The following ANKRD44 variants were observed in gnomAD, a reference collection of about 807,000 sequenced individuals.
ANKRD44 encodes serine/threonine-protein phosphatase 6 regulatory ankyrin repeat subunit B.
In ANKRD44, 35 loss-of-function variants were observed where a neutral mutation model predicts 116.0. The observed-to-expected ratio is 0.30, with a 90% CI of 0.23 to 0.40. The LOEUF is 0.40. Ranked by LOEUF, ANKRD44 falls within the 10% of genes least tolerant of loss-of-function variation. ANKRD44 has a pLI of 1.00. For missense variants in ANKRD44, 1,014 were observed against 1,242.6 expected (o/e 0.82, Z 2.77); for synonymous variants, 435 against 461.8 (o/e 0.94, Z 0.74).
At chr2:197,287,387 A>G (rs1297018358) in intron 1 of ANKRD44, among the ~76,000 whole-genome samples, 1 of 152,208 alleles carries the variant, frequency 6.6e-6, no homozygotes, top group Non-Finnish European at 1.5e-5. Context: ...AGAAAAGTGT[A>G]AGAAAAAGCT....
chr2:197,285,164 G>A (rs2083375026), intron 1 of ANKRD44, among the ~76,000 whole-genome samples: 1 of 151,806 alleles, frequency 6.6e-6, no homozygotes, highest in Admixed American at 6.6e-5. Context: ...TGAAAAGTCA[G>A]GGAGTTTAGG....
intron 9 of ANKRD44, among the ~76,000 whole-genome samples, chr2:197,110,021 G>A (rs567895843): frequency 1.3e-5 from 2 of 151,718 alleles, no homozygotes; most frequent in South Asian, 4.2e-4. Flanking sequence ...CTGTCACCCA[G>A]GCTAGAGTGC....
At chr2:197,120,953 G>A (rs1309941593) in intron 8 of ANKRD44, among the ~76,000 whole-genome samples, 2 of 147,000 alleles carry the variant, frequency 1.4e-5, no homozygotes, top group Admixed American at 6.8e-5. Context: ...TTTTTGAGAC[G>A]GAGTCTTGCT....
chr2:196,998,491 A>G, intron 24 of ANKRD44, 72 bp from the exon 25 acceptor site: 2 of 999,736 alleles, frequency 2.0e-6, no homozygotes, highest in Non-Finnish European at 3.1e-6. Flanking sequence ...AAGTTACTAC[A>G]AACACAATAA....
At chr2:197,308,900 C>G (rs1243407259) in intron 1 of ANKRD44, among the ~76,000 whole-genome samples, 1 of 152,178 alleles carries the variant, frequency 6.6e-6, no homozygotes, top group Non-Finnish European at 1.5e-5. Flanking sequence ...ACCTGGAAGG[C>G]AGAAGACAAG....
chr2:197,100,429 C>G (rs772474814), intron 9 of ANKRD44, among the ~76,000 whole-genome samples: 1 of 151,296 alleles, frequency 6.6e-6, no homozygotes, highest in Non-Finnish European at 1.5e-5. Context: ...AGCGAGACTC[C>G]GTCTCAAAAA....
In ANKRD44 at chr2:196,993,668, G is replaced by C; in HGVS notation, c.2838C>G (p.Leu946=). The change falls in exon 27 of 28, where the codon CTC becomes CTG. Residue 946 remains leucine, a synonymous_variant. Coordinates refer to ENST00000282272, the MANE Select transcript of ANKRD44 (RefSeq NM_001195144.2). Reference sequence around the variant, plus strand: ...TTAAGCCATTGCGCGCAGCGACGTGGAGGGGTCTAAAAAACACAAGACCGA... The same window carrying C: ...TTAAGCCATTGCGCGCAGCGACGTGCAGGGGTCTAAAAAACACAAGACCGA... The part of the protein sequence containing the change: ...NEKNNALQTP[L]HVAARNGLKV... 1 of 1,550,866 alleles carries C rather than the reference G, an allele frequency of 6.4e-7. No homozygotes were observed. Among genetic ancestry groups the C allele is most frequent in the South Asian group, 1.2e-5 (1 of 84,054 alleles).
intron 1 of ANKRD44, among the ~76,000 whole-genome samples, chr2:197,218,939 T>C (rs1192345092): frequency 7.9e-5 from 12 of 151,622 alleles, no homozygotes; most frequent in African/African-American, 2.9e-4. Context: ...TTTGTATTTT[T>C]AGTAGAGACA....
chr2:197,055,536 T>C (rs2077187095), intron 16 of ANKRD44, among the ~76,000 whole-genome samples: 1 of 152,230 alleles, frequency 6.6e-6, no homozygotes, highest in East Asian at 1.9e-4. Flanking sequence ...CATGAAGATG[T>C]TCTCTTACGC....
At chr2:197,192,473 G>A (rs934684547) in intron 1 of ANKRD44, among the ~76,000 whole-genome samples, 4 of 152,172 alleles carry the variant, frequency 2.6e-5, no homozygotes, top group African/African-American at 9.7e-5. Flanking sequence ...GTCCCTCCTT[G>A]AGCATTCTGA....
At chr2:197,251,762 C>T (rs946555498) in intron 1 of ANKRD44, among the ~76,000 whole-genome samples, 2 of 152,228 alleles carry the variant, frequency 1.3e-5, no homozygotes, top group Admixed American at 1.3e-4. Flanking sequence ...GACTGAATGA[C>T]TGGTTCGTCT....
chr2:197,267,739 T>C (rs575326447), intron 1 of ANKRD44, among the ~76,000 whole-genome samples: 32 of 152,158 alleles, frequency 2.1e-4, no homozygotes, highest in African/African-American at 6.8e-4. Context: ...TAGAGTAGGG[T>C]TGTCCAAGAC....
intron 1 of ANKRD44, among the ~76,000 whole-genome samples, chr2:197,191,699 G>A (rs1379556407): frequency 1.3e-5 from 2 of 152,080 alleles, no homozygotes; most frequent in African/African-American, 4.8e-5. Context: ...GTGTAATTAA[G>A]GAAGTAAGGT....
chr2:197,238,711 T>A (rs2082026352), intron 1 of ANKRD44, among the ~76,000 whole-genome samples: 1 of 151,698 alleles, frequency 6.6e-6, no homozygotes, highest in Non-Finnish European at 1.5e-5. Flanking sequence ...TTTTTTTTTT[T>A]AATTTATTTT....
At chr2:196,995,633 A>G (rs2125885923) in intron 25 of ANKRD44, among the ~76,000 whole-genome samples, 172 bp from the exon 26 acceptor site, 1 of 152,266 alleles carries the variant, frequency 6.6e-6, no homozygotes, top group Non-Finnish European at 1.5e-5. Context: ...GGCTCCAGAC[A>G]CTCTAAGAGT....
At chr2:196,992,066 G>C (rs778277361) in intron 27 of ANKRD44, among the ~76,000 whole-genome samples, 1 of 152,198 alleles carries the variant, frequency 6.6e-6, no homozygotes, top group Non-Finnish European at 1.5e-5. Flanking sequence ...GTTCCTTGGG[G>C]AGGTAGATTA....
Position 197,008,962 on chromosome 2 carries a change from A to T in ANKRD44, c.1994T>A (p.Val665Glu). ...CACTTACTGTCCTTTGGCATCTTTC[A>T]CATCGACCGCCTCCGGGTTGTCTGC... ...EIADNPEAVD[V>E]KDAKGQTPLM... Residue 665 changes from valine (V) to glutamate (E), a missense_variant, in exon 19 of 28, where the codon GTG (valine) becomes GAG (glutamate). By Grantham distance (121) the Val-to-Glu change is moderately radical. Coordinates refer to ENST00000282272, the MANE Select transcript of ANKRD44 (RefSeq NM_001195144.2). The T allele has an allele frequency of 6.2e-7, 1 of 1,614,126 alleles. No homozygotes were observed. Among genetic ancestry groups the T allele is most frequent in the Non-Finnish European group, 8.5e-7 (1 of 1,179,980 alleles).
intron 10 of ANKRD44, among the ~76,000 whole-genome samples, chr2:197,097,870 G>A (rs971552805): frequency 6.6e-6 from 1 of 152,148 alleles, no homozygotes; most frequent in Non-Finnish European, 1.5e-5. Context: ...CAGGACTTGC[G>A]AAGCCCTTTG....
chr2:197,123,272 T>C (rs2078899709), intron 6 of ANKRD44, among the ~76,000 whole-genome samples: 1 of 152,218 alleles, frequency 6.6e-6, no homozygotes, highest in Non-Finnish European at 1.5e-5. Flanking sequence ...TTACTGCTGC[T>C]CAACTGTATT....
Sources: gnomAD v4.1 joint callset for allele counts (sites outside exome capture counted in the v4.1 genomes callset) on GRCh38, gnomAD v4.1.1 for gene constraint, MANE v1.5 for transcripts, NCBI Gene and HGNC (gene_info 2026-07-23, HGNC 2026-07-21) for gene names.